The following ATG10 variants were observed in gnomAD, a reference collection of about 807,000 sequenced individuals.
The protein encoded by ATG10 is ubiquitin-like-conjugating enzyme ATG10.
Under a neutral mutation model 32.1 loss-of-function variants are expected in ATG10, and 30 were observed. That is an observed-to-expected ratio of 0.94 (90% confidence interval 0.70 to 1.27). ATG10 has a LOEUF of 1.27. Among genes scored for constraint, ATG10 ranks in the 50% most tolerant of loss-of-function variants. The probability of loss-of-function intolerance (pLI) is 0.00; values close to 1 mark genes in which losing one functional copy is unlikely to be tolerated. For synonymous variants in ATG10, 87 were observed against 91.5 expected, an observed-to-expected ratio of 0.95 and a Z score of 0.28; for missense variants, 233 against 262.3, an observed-to-expected ratio of 0.89 and a Z score of 0.77.
intron 3 of ATG10, among the ~76,000 whole-genome samples, chr5:82,094,891 C>T (rs544589432): frequency 2.5e-4 from 38 of 152,136 alleles, no homozygotes; most frequent in Admixed American, 9.8e-4. Context: ...CAGCAAGTTA[C>T]GAACTAGTAT....
chr5:82,159,678 AC>A (rs1294175307), intron 3 of ATG10, among the ~76,000 whole-genome samples: 5 of 152,036 alleles, frequency 3.3e-5, no homozygotes, highest in Admixed American at 6.6e-5. Context: ...CTCCTTCTAT[AC>A]TTCCATCCAC....
At chr5:82,021,283 A>T (rs1762427381) in intron 2 of ATG10, among the ~76,000 whole-genome samples, 1 of 152,164 alleles carries the variant, frequency 6.6e-6, no homozygotes, top group Admixed American at 6.5e-5. Flanking sequence ...TGACCAGGGT[A>T]TGTGGAGGGG....
intron 3 of ATG10, among the ~76,000 whole-genome samples, chr5:82,070,900 G>A (rs1323839098): frequency 6.6e-6 from 1 of 152,010 alleles, no homozygotes; most frequent in East Asian, 1.9e-4. Context: ...TTCCTTCTAA[G>A]TTACTAGTTA....
chr5:82,242,841 G>T (rs1361431085), intron 5 of ATG10: 1 of 451,436 alleles, frequency 2.2e-6, no homozygotes. Flanking sequence ...CAGTGACAAA[G>T]AATATTATCC....
chr5:82,143,063 T>A (rs533091376), intron 3 of ATG10, among the ~76,000 whole-genome samples: 1 of 152,148 alleles, frequency 6.6e-6, no homozygotes, highest in South Asian at 2.1e-4. Context: ...GCCAAAGGGG[T>A]GAATAAGACT....
intron 1 of ATG10, among the ~76,000 whole-genome samples, chr5:81,983,891 C>T (rs892821686): frequency 3.3e-5 from 5 of 151,104 alleles, no homozygotes; most frequent in Non-Finnish European, 4.4e-5. Flanking sequence ...GCGCTCCCCA[C>T]ATCTCAGACT....
chr5:82,103,149 GTTGT>G (rs893132128), intron 3 of ATG10, among the ~76,000 whole-genome samples: 15 of 152,222 alleles, frequency 9.9e-5, no homozygotes, highest in African/African-American at 2.9e-4. Context: ...TGGAGCTCAG[GTTGT>G]TTGTTTGTAG....
chr5:82,220,633 CTCTT>C (rs1185450182), intron 5 of ATG10, among the ~76,000 whole-genome samples: 7 of 150,498 alleles, frequency 4.7e-5, no homozygotes, highest in South Asian at 2.1e-4. Context: ...CTCTCTCTCT[CTCTT>C]TTTTTTTTTT....
At chr5:82,024,895 T>C (rs559681079) in intron 2 of ATG10, among the ~76,000 whole-genome samples, 1 of 152,326 alleles carries the variant, frequency 6.6e-6, no homozygotes, top group East Asian at 1.9e-4. Context: ...AAGCAGGATT[T>C]ATGTCTGAAG....
At chr5:82,199,294 A>G (rs1260237515) in intron 5 of ATG10, among the ~76,000 whole-genome samples, 1 of 152,234 alleles carries the variant, frequency 6.6e-6, no homozygotes, top group Admixed American at 6.5e-5. Context: ...TGTGCTTGTG[A>G]GAGATTGTCT....
chr5:81,997,446 A>G (rs993063535), intron 2 of ATG10, among the ~76,000 whole-genome samples: 3 of 152,226 alleles, frequency 2.0e-5, no homozygotes, highest in Non-Finnish European at 2.9e-5. Flanking sequence ...GGTGAGAAAG[A>G]ACTAGTGTAA....
chr5:82,145,705 A>G (rs548569352), intron 3 of ATG10, among the ~76,000 whole-genome samples: 2 of 151,678 alleles, frequency 1.3e-5, no homozygotes, highest in African/African-American at 2.4e-5. Context: ...AGATAACATT[A>G]TAGTCTTTTT....
intron 3 of ATG10, among the ~76,000 whole-genome samples, chr5:82,157,377 T>C (rs1194775372): frequency 2.6e-5 from 4 of 152,194 alleles, no homozygotes; most frequent in Non-Finnish European, 5.9e-5. Context: ...TAGACATATG[T>C]TGAACCCGCT....
intron 5 of ATG10, among the ~76,000 whole-genome samples, chr5:82,197,688 T>C (rs1407179344): frequency 2.0e-5 from 3 of 152,008 alleles, no homozygotes; most frequent in Non-Finnish European, 2.9e-5. Context: ...ATACCTTACC[T>C]CTCTGTCCCA....
chr5:82,141,850 G>GA (rs949240420), intron 3 of ATG10, among the ~76,000 whole-genome samples: 129 of 143,960 alleles, frequency 9.0e-4, no homozygotes, highest in African/African-American at 1.8e-3. Context: ...AAGGCTGTTT[G>GA]AAAAAAAAAA....
At chr5:82,034,487 T>A (rs547296356) in intron 2 of ATG10, among the ~76,000 whole-genome samples, 1 of 152,304 alleles carries the variant, frequency 6.6e-6, no homozygotes, top group Non-Finnish European at 1.5e-5. Flanking sequence ...CTCTAAACAA[T>A]AGCTAGAGTT....
chr5:82,007,817 A>G (rs1581592037), intron 2 of ATG10, among the ~76,000 whole-genome samples: 1 of 152,212 alleles, frequency 6.6e-6, no homozygotes, highest in Non-Finnish European at 1.5e-5. Context: ...TGTGTCATAT[A>G]TATATATGCA....
At chr5:82,139,800 G>A (rs887631957) in intron 3 of ATG10, among the ~76,000 whole-genome samples, 3 of 138,334 alleles carry the variant, frequency 2.2e-5, no homozygotes, top group Admixed American at 2.1e-4. Flanking sequence ...GAAGTGAGGA[G>A]CCCCTCAGCC....
At chr5:82,163,957 C>T (rs1218780127) in intron 3 of ATG10, among the ~76,000 whole-genome samples, 2 of 152,172 alleles carry the variant, frequency 1.3e-5, no homozygotes, top group African/African-American at 4.8e-5. Context: ...TTGTTCAGCA[C>T]ACAATGAATC....
Sources: gnomAD v4.1 joint callset for allele counts (sites outside exome capture counted in the v4.1 genomes callset) on GRCh38, gnomAD v4.1.1 for gene constraint, MANE v1.5 for transcripts, NCBI Gene and HGNC (gene_info 2026-07-23, HGNC 2026-07-21) for gene names.